The following MARCHF1 variants were observed in gnomAD, a reference collection of about 807,000 sequenced individuals.
MARCHF1 encodes membrane associated ring-CH-type finger 1, also known as E3 ubiquitin-protein ligase MARCHF1.
In MARCHF1, 40 loss-of-function variants were observed where a neutral mutation model predicts 54.2. The observed-to-expected ratio is 0.74, with a 90% CI of 0.57 to 0.96. MARCHF1 has a LOEUF of 0.96. Ranked by LOEUF, MARCHF1 falls within the 40% of genes least tolerant of loss-of-function variation. MARCHF1 has a pLI of 0.00. For synonymous variants in MARCHF1, 236 were observed against 236.3 expected (o/e 1.00, Z 0.01); for missense variants, 586 against 656.5 (o/e 0.89, Z 1.17).
chr4:164,164,803 T>C (rs1017890177), intron 1 of MARCHF1, among the ~76,000 whole-genome samples: 1 of 152,040 alleles, frequency 6.6e-6, no homozygotes, highest in African/African-American at 2.4e-5. Flanking sequence ...ATCCGGAAGT[T>C]ATTAGCCTCA....
chr4:163,809,648 T>C (rs1345028642), intron 4 of MARCHF1, among the ~76,000 whole-genome samples: 5 of 152,190 alleles, frequency 3.3e-5, no homozygotes, highest in South Asian at 4.1e-4. Context: ...GTGCAAAAGA[T>C]AGAATTTCTT....
intron 1 of MARCHF1, among the ~76,000 whole-genome samples, chr4:164,298,508 A>G (rs1274242641): frequency 6.6e-6 from 1 of 152,064 alleles, no homozygotes; most frequent in African/African-American, 2.4e-5. Context: ...TCCCTTTTAT[A>G]TATTTTAAAC....
chr4:164,203,496 C>A (rs1231677523), intron 1 of MARCHF1, among the ~76,000 whole-genome samples: 1 of 152,146 alleles, frequency 6.6e-6, no homozygotes, highest in Non-Finnish European at 1.5e-5. Context: ...GGAAGATAGT[C>A]TTTTGTTCGA....
At chr4:163,722,684 A>G (rs1034972582) in intron 4 of MARCHF1, among the ~76,000 whole-genome samples, 7 of 151,574 alleles carry the variant, frequency 4.6e-5, no homozygotes, top group Non-Finnish European at 7.4e-5. Context: ...TAGATCTCTA[A>G]GGACTTGCTT....
chr4:163,756,665 A>C (rs112864204), intron 4 of MARCHF1, among the ~76,000 whole-genome samples: 3,863 of 149,100 alleles, frequency 0.026, 73 homozygotes, highest in East Asian at 0.065. Context: ...AAAGGAAAAG[A>C]CAAAGAAAAT....
chr4:164,232,871 A>T (rs903828493), intron 1 of MARCHF1, among the ~76,000 whole-genome samples: 2 of 152,194 alleles, frequency 1.3e-5, no homozygotes, highest in Non-Finnish European at 2.9e-5. Context: ...ACAGAAACCT[A>T]TAGACACGTG....
intron 3 of MARCHF1, among the ~76,000 whole-genome samples, chr4:163,899,926 C>A (rs1246856672): frequency 4.6e-5 from 7 of 151,250 alleles, no homozygotes; most frequent in Admixed American, 4.6e-4. Flanking sequence ...CAAGTTAGGC[C>A]TTTGCAATGG....
intron 3 of MARCHF1, among the ~76,000 whole-genome samples, chr4:163,966,175 A>G (rs1752440209): frequency 6.6e-6 from 1 of 152,060 alleles, no homozygotes; most frequent in Admixed American, 6.6e-5. Context: ...AAAATAAGCA[A>G]TCTTACCATT....
chr4:163,622,163 C>G (rs1424953566), intron 5 of MARCHF1, among the ~76,000 whole-genome samples: 2 of 151,928 alleles, frequency 1.3e-5, no homozygotes, highest in Non-Finnish European at 2.9e-5. Context: ...GACTTTATAA[C>G]AGAAAGCCAC....
intron 1 of MARCHF1, among the ~76,000 whole-genome samples, chr4:164,281,614 A>T (rs958455732): frequency 3.9e-5 from 6 of 152,134 alleles, no homozygotes; most frequent in African/African-American, 7.2e-5. Context: ...ATTATAGGGG[A>T]ACTAAGAGTG....
chr4:164,293,232 A>C (rs2111372700), intron 1 of MARCHF1, among the ~76,000 whole-genome samples: 1 of 152,272 alleles, frequency 6.6e-6, no homozygotes, highest in African/African-American at 2.4e-5. Context: ...TGGAAAAAAA[A>C]AAATCCCTGC....
At chr4:164,373,497 G>T (rs534535376) in intron 1 of MARCHF1, among the ~76,000 whole-genome samples, 1 of 151,334 alleles carries the variant, frequency 6.6e-6, no homozygotes, top group Non-Finnish European at 1.5e-5. Context: ...TAGGATTACA[G>T]GTGTGAGCCA....
At chr4:163,760,101 G>T (rs1379529332) in intron 4 of MARCHF1, among the ~76,000 whole-genome samples, 1 of 152,182 alleles carries the variant, frequency 6.6e-6, no homozygotes, top group Admixed American at 6.5e-5. Context: ...GGCTGTAAGG[G>T]GGAATCAGTT....
intron 1 of MARCHF1, among the ~76,000 whole-genome samples, chr4:164,271,544 T>A (rs1015533495): frequency 6.6e-6 from 1 of 152,162 alleles, no homozygotes; most frequent in African/African-American, 2.4e-5. Context: ...TCATGCCTGA[T>A]TTCTGACTTG....
chr4:163,921,803 T>C (rs1224316710), intron 3 of MARCHF1, among the ~76,000 whole-genome samples: 1 of 152,146 alleles, frequency 6.6e-6, no homozygotes, highest in Non-Finnish European at 1.5e-5. Context: ...ACTTTGAAGT[T>C]GGGAAAAATT....
At chr4:164,165,674 AAC>A (rs1321504395) in intron 1 of MARCHF1, among the ~76,000 whole-genome samples, 1 of 151,992 alleles carries the variant, frequency 6.6e-6, no homozygotes, top group African/African-American at 2.4e-5. Context: ...GTAGAGCAAA[AAC>A]ACAAAATGTA....
chr4:164,180,687 C>A (rs900557968), intron 1 of MARCHF1, among the ~76,000 whole-genome samples: 9 of 152,102 alleles, frequency 5.9e-5, no homozygotes, highest in Non-Finnish European at 1.2e-4. Flanking sequence ...CAAAATTCAC[C>A]CTAATCCTCA....
chr4:164,303,566 GTAAA>G (rs1406771598), intron 1 of MARCHF1, among the ~76,000 whole-genome samples: 1 of 152,176 alleles, frequency 6.6e-6, no homozygotes, highest in Non-Finnish European at 1.5e-5. Context: ...CTGGCACAGA[GTAAA>G]TAAATTACAG....
intron 1 of MARCHF1, among the ~76,000 whole-genome samples, chr4:164,162,728 CTG>C (rs1730270292): frequency 1.3e-5 from 2 of 152,002 alleles, no homozygotes; most frequent in Admixed American, 6.6e-5. Context: ...GAGAGAATGA[CTG>C]AGAATTTTTC....
Sources: gnomAD v4.1 joint callset for allele counts (sites outside exome capture counted in the v4.1 genomes callset) on GRCh38, gnomAD v4.1.1 for gene constraint, MANE v1.5 for transcripts, NCBI Gene and HGNC (gene_info 2026-07-23, HGNC 2026-07-21) for gene names.